Variants in GBP7 observed in about 807,000 individuals in gnomAD.
GBP7 encodes the protein guanylate binding protein 7, also known as guanylate-binding protein 7.
A neutral mutation model predicts 61.3 loss-of-function variants in GBP7; 43 were observed. The ratio of observed to expected loss-of-function variants is 0.70; its 90% CI spans 0.55 to 0.91. The LOEUF (loss-of-function observed/expected upper bound fraction) is 0.91, where lower values mean the gene tolerates loss of function less well. Among genes scored for constraint, GBP7 ranks in the 40% least tolerant of loss-of-function variants. The pLI is 0.00. For missense variants in GBP7, 717 were observed against 740.5 expected (o/e 0.97, Z 0.37); for synonymous variants, 267 against 271.0 (o/e 0.99, Z 0.14).
Position 89,141,606 on chromosome 1 carries a change from T to C in GBP7, c.1408A>G (p.Ile470Val), listed in dbSNP as rs1681951498. 6.2e-7 allele frequency: 1 copy of C among 1,613,696 alleles called. No individual in the cohort carries two copies. Among genetic ancestry groups the C allele is most frequent in the African/African-American group, 1.3e-5 (1 of 74,868 alleles). ...LQSFLQSQVV[I>V]EESILQSDKA... ...TCTGACTGCAGGATGGATTCCTCTA[T>C]AACCACCTGTGACTGCAGGAAGCTC... Residue 470 changes from isoleucine to valine, a missense_variant, in exon 9 of 11, where the codon ATA (isoleucine) becomes GTA (valine). This residue lies in a region of GBP7 where 312 missense variants were observed against 310.1 expected (regional missense o/e 1.01). Coordinates refer to ENST00000294671, the MANE Select transcript of GBP7 (RefSeq NM_207398.3).
chr1:89,137,900 T>G (rs952934177), intron 9 of GBP7, among the ~76,000 whole-genome samples: 3 of 152,008 alleles, frequency 2.0e-5, no homozygotes, highest in East Asian at 1.9e-4. Flanking sequence ...GTTAGAAAAC[T>G]CCATAATTTC....
chr1:89,164,699 G>C (rs753005035), intron 3 of GBP7, 32 bp downstream of exon 3: 7 of 1,605,846 alleles, frequency 4.4e-6, no homozygotes, highest in East Asian at 2.2e-5. Context: ...AGAATCAAAG[G>C]TAAAGAAGAT....
rs566820051 is a variant in GBP7, at chr1:89,147,928, A to G, written c.1153-149T>C. On this transcript the variant is annotated intron_variant, in intron 7 of 10. Transcript: ENST00000294671. ...GAGTCAGAAGACTTGTTTTAGTTCC[A>G]GTTCTGGTCAATTCTCTGCATGACC... The G allele has an allele frequency of 1.5e-4, 114 of 742,842 alleles. 2 individuals carry two copies. In the Admixed American group the frequency reaches 2.9e-3, roughly 19 times the overall value. 46.0% of individuals were successfully genotyped at this position (742,842 alleles called of 1,614,324 possible).
intron 3 of GBP7, among the ~76,000 whole-genome samples, chr1:89,157,886 C>T (rs1682352965): frequency 6.6e-6 from 1 of 152,142 alleles, no homozygotes; most frequent in South Asian, 2.1e-4. Context: ...GATACCAAAG[C>T]CGGGCAGAGA....
intron 8 of GBP7, among the ~76,000 whole-genome samples, 179 bp downstream of exon 8, chr1:89,147,388 A>T (rs1570347749): frequency 6.6e-6 from 1 of 152,178 alleles, no homozygotes; most frequent in Non-Finnish European, 1.5e-5. Flanking sequence ...GAAAAAAAAT[A>T]GTTCTGTTTT....
At chr1:89,168,188 T>C (rs1352590856) in intron 2 of GBP7, among the ~76,000 whole-genome samples, 1 of 152,216 alleles carries the variant, frequency 6.6e-6, no homozygotes, top group Admixed American at 6.5e-5. Flanking sequence ...ATTTTTGCTC[T>C]ATTTTTCCTC....
chr1:89,132,334 G>A lies in GBP7; in HGVS notation c.1732C>T (p.Leu578=), dbSNP rs1306835079. The stretch of plus-strand genomic sequence containing the variant: ...TCAGCTGCTTCAATTTGTTCTTTCA[G>A]TCGATTAATCTCTTCATTTAACGAC... ...FESLNEEINR[L]KEQIEAAENE... is the part of the protein sequence containing the mutation. The change falls in exon 11 of 11, where the codon CTG becomes TTG. Residue 578 remains leucine, a synonymous_variant. Transcript: ENST00000294671. 6.2e-7 allele frequency: 1 copy of A among 1,613,270 alleles called. No homozygotes were observed. Among genetic ancestry groups the A allele is most frequent in the African/African-American group, 1.3e-5 (1 of 75,050 alleles).
intron 5 of GBP7, among the ~76,000 whole-genome samples, chr1:89,151,778 G>C (rs941099363): frequency 6.6e-6 from 1 of 151,926 alleles, no homozygotes; most frequent in African/African-American, 2.4e-5. Flanking sequence ...TTAACTGTAT[G>C]AATCTCCTTT....
chr1:89,152,659 G>T lies in GBP7; in HGVS notation c.428+9C>A. On this transcript the variant is annotated intron_variant, in intron 4 of 10. Transcript: ENST00000294671. Reference sequence around the variant, plus strand: ...ATAAAACCTGGCTCTTCACTTCCTGGAAGGATACTGCAGCTGCTCCAGGGC... The same window carrying T: ...ATAAAACCTGGCTCTTCACTTCCTGTAAGGATACTGCAGCTGCTCCAGGGC... The T allele has an allele frequency of 6.2e-7, 1 of 1,609,464 alleles. No homozygotes were observed. The highest frequency in any genetic ancestry group is 8.5e-7 in the Non-Finnish European group (1 of 1,178,390).
In GBP7 at chr1:89,132,300, T is replaced by G; in HGVS notation, c.1766A>C (p.Glu589Ala). The change falls in exon 11 of 11, where the codon GAG (glutamate) becomes GCG (alanine). Residue 589 changes from glutamate to alanine, a missense_variant. By Grantham distance (107) the Glu-to-Ala change is moderately radical. Around this residue, in one of 3 missense-constraint regions of GBP7, gnomAD observed 312 missense variants for 310.1 expected, o/e 1.01. Transcript: ENST00000294671. ...KEQIEAAENE[E>A]PSVFSQILDV... ...AAGAATCTGTGAAAACACTGAGGGC[T>G]CTTCATTTTCAGCTGCTTCAATTTG... 1 of 1,614,016 alleles carries G rather than the reference T, an allele frequency of 6.2e-7. No individual in the cohort carries two copies. The highest frequency in any genetic ancestry group is 8.5e-7 in the Non-Finnish European group (1 of 1,179,952).
chr1:89,165,950 C>T (rs1015781584), intron 2 of GBP7, among the ~76,000 whole-genome samples: 3 of 152,072 alleles, frequency 2.0e-5, no homozygotes, highest in Admixed American at 2.0e-4. Flanking sequence ...TCCTTCTGCC[C>T]GTTCTGCCAT....
Position 89,147,609 on chromosome 1 carries a change from C to T in GBP7, c.1323G>A (p.Lys441=). ...GHNIYLEAKK[K]IEQDYTLVPR... ...GCACTAGTGTATAGTCCTGTTCAAT[C>T]TTCTTTTTTGCTTCTAAGTAGATAT... The change falls in exon 8 of 11, where the codon AAG becomes AAA. Residue 441 remains lysine, a synonymous_variant. Coordinates refer to ENST00000294671, the MANE Select transcript of GBP7 (RefSeq NM_207398.3). 2 of 1,614,094 alleles carry T rather than the reference C, an allele frequency of 1.2e-6. No individual in the cohort carries two copies. The highest frequency in any genetic ancestry group is 1.1e-5 in the South Asian group (1 of 91,072).
chr1:89,175,033 G>A (rs1229222279), intron 1 of GBP7, among the ~76,000 whole-genome samples: 2 of 152,164 alleles, frequency 1.3e-5, no homozygotes, highest in African/African-American at 4.8e-5. Flanking sequence ...GGAGTGAAAA[G>A]CCTTCTTGTA....
In GBP7 at chr1:89,147,607, A is replaced by T; in HGVS notation, c.1325T>A (p.Ile442Asn). ...GGGCACTAGTGTATAGTCCTGTTCA[A>T]TCTTCTTTTTTGCTTCTAAGTAGAT... is the stretch of plus-strand genomic sequence containing the variant. Reference protein sequence around the residue: ...HNIYLEAKKKIEQDYTLVPRK... With the variant: ...HNIYLEAKKKNEQDYTLVPRK... The change falls in exon 8 of 11, where the codon ATT becomes AAT. Residue 442 changes from isoleucine to asparagine, a missense_variant. Physicochemically the swap from Ile to Asn is moderately radical, Grantham distance 149 (BLOSUM62 -3). This residue lies in a region of GBP7 where 312 missense variants were observed against 310.1 expected (regional missense o/e 1.01). Transcript: ENST00000294671. 3 of 1,614,056 alleles carry T rather than the reference A, an allele frequency of 1.9e-6. No individual in the cohort carries two copies. Among genetic ancestry groups the T allele is most frequent in the Non-Finnish European group, 2.5e-6 (3 of 1,179,972 alleles).
chr1:89,171,804 C>T lies in GBP7; in HGVS notation c.132G>A (p.Val44=). Residue 44 remains valine, a synonymous_variant, in exon 2 of 11, where the codon GTG becomes GTA. Transcript: ENST00000294671. ...ITQPVVVVAI[V]GLYRTGKSYL... is the part of the protein sequence containing the mutation. ...AGGATTTGCCTGTGCGGTAGAGGCC[C>T]ACAATTGCCACCACTACTACAGGCT... The T allele has an allele frequency of 6.2e-7, 1 of 1,613,620 alleles. No homozygotes were observed. The highest frequency in any genetic ancestry group is 8.5e-7 in the Non-Finnish European group (1 of 1,179,902).
At chr1:89,152,152 T>G in intron 5 of GBP7, 116 bp downstream of exon 5, 1 of 830,468 alleles carries the variant, frequency 1.2e-6, no homozygotes, top group South Asian at 2.8e-5. Flanking sequence ...CCAACCACCA[T>G]GAGCAAGGGC....
chr1:89,169,429 A>G (rs1647538615), intron 2 of GBP7, among the ~76,000 whole-genome samples: 1 of 152,250 alleles, frequency 6.6e-6, no homozygotes, highest in African/African-American at 2.4e-5. Context: ...GCAAACAAAG[A>G]AACCTTATCT....
At chr1:89,153,319 A>G (rs1284702053) in intron 3 of GBP7, among the ~76,000 whole-genome samples, 1 of 152,210 alleles carries the variant, frequency 6.6e-6, no homozygotes, top group Non-Finnish European at 1.5e-5. Context: ...GGCATGTAAT[A>G]TGAATTTTGA....
chr1:89,160,226 G>T (rs562658875), intron 3 of GBP7, among the ~76,000 whole-genome samples: 2 of 152,272 alleles, frequency 1.3e-5, no homozygotes, highest in East Asian at 3.9e-4. Context: ...TGGAGGGAGT[G>T]TGGAGGGATA....
Sources: allele counts gnomAD v4.1 joint callset (sites outside exome capture counted in the v4.1 genomes callset), GRCh38; gene constraint gnomAD v4.1.1; regional missense constraint gnomAD v4.1.1; transcripts MANE v1.5; gene names NCBI Gene and HGNC (gene_info 2026-07-23, HGNC 2026-07-21).